Variants in ABCC2 observed in about 807,000 individuals in gnomAD.
ABCC2 encodes ATP-binding cassette sub-family C member 2.
Under a neutral mutation model 173.4 loss-of-function variants are expected in ABCC2, and 157 were observed. That is an observed-to-expected ratio of 0.91 (90% CI 0.80 to 1.03). The LOEUF is 1.03. Ranked by LOEUF, ABCC2 falls within the 50% of genes least tolerant of loss-of-function variation. The pLI is 0.00. For synonymous variants in ABCC2, 657 were observed against 693.5 expected, an observed-to-expected ratio of 0.95 and a Z score of 0.83; for missense variants, 1,822 against 1,852.3, an observed-to-expected ratio of 0.98 and a Z score of 0.30.
intron 3 of ABCC2, among the ~76,000 whole-genome samples, chr10:99,792,943 T>TGTCA (rs1314690348): frequency 6.6e-6 from 1 of 152,224 alleles, no homozygotes; most frequent in Non-Finnish European, 1.5e-5. Flanking sequence ...GGCAGAGCAA[T>TGTCA]GTCAGCTGGG....
chr10:99,813,208 C>A, intron 16 of ABCC2, 64 bp downstream of exon 16: 1 of 1,586,128 alleles, frequency 6.3e-7, no homozygotes, highest in Non-Finnish European at 8.6e-7. Flanking sequence ...GTGCTTTTGC[C>A]TCACTGGGGA....
Position 99,834,528 on chromosome 10 carries a change from C to G in ABCC2, c.3407C>G (p.Ser1136Cys), listed in dbSNP as rs747218133. Reference sequence around the variant, plus strand: ...ATTCCTCTTGGCATTATTTATGTATCTGTTCAGGTAGGTTTGGAAATGGCT... The same window carrying G: ...ATTCCTCTTGGCATTATTTATGTATGTGTTCAGGTAGGTTTGGAAATGGCT... Reference protein sequence around the residue: ...IVIPLGIIYVSVQMFYVSTSR... With the variant: ...IVIPLGIIYVCVQMFYVSTSR... The change falls in exon 24 of 32, where the codon TCT becomes TGT. Residue 1136 changes from serine to cysteine, a missense_variant. Coordinates refer to ENST00000647814, the MANE Select transcript of ABCC2 (RefSeq NM_000392.5). The G allele has an allele frequency of 6.2e-7, 1 of 1,614,030 alleles. No homozygotes were observed.
At chr10:99,783,755 C>T (rs2037657817) in intron 1 of ABCC2, among the ~76,000 whole-genome samples, 1 of 152,094 alleles carries the variant, frequency 6.6e-6, no homozygotes, top group South Asian at 2.1e-4. Flanking sequence ...TCCCAAGACC[C>T]TCGAGGCCAG....
chr10:99,834,174 C>T (rs1017702551), intron 23 of ABCC2, among the ~76,000 whole-genome samples: 2 of 152,134 alleles, frequency 1.3e-5, no homozygotes, highest in African/African-American at 4.8e-5. Context: ...GACCACCACG[C>T]CAGGCCTAAA....
chr10:99,797,711 C>A, intron 7 of ABCC2: 1 of 257,748 alleles, frequency 3.9e-6, no homozygotes, highest in South Asian at 5.0e-5. Context: ...TAAAAGATTG[C>A]TCATCTTTTG....
At chr10:99,828,888 C>A (rs757643048) in intron 19 of ABCC2, among the ~76,000 whole-genome samples, 1 of 151,708 alleles carries the variant, frequency 6.6e-6, no homozygotes, top group Non-Finnish European at 1.5e-5. Flanking sequence ...AAGATTAGAG[C>A]CCTCTTCCAT....
rs1005455893 is a variant in ABCC2, at chr10:99,793,876, G to T, written c.469-16G>T. ...GACAAAAGGCTCATTTTTCCTCTTT[G>T]TTTTTTTCCTCATAGGGTGACAATT... is the stretch of plus-strand genomic sequence containing the variant. On this transcript the variant is annotated splice_polypyrimidine_tract_variant and intron_variant, in intron 4 of 31. Coordinates refer to ENST00000647814, the MANE Select transcript of ABCC2 (RefSeq NM_000392.5). The T allele has an allele frequency of 4.4e-6, 7 of 1,606,690 alleles. No homozygotes were observed. The highest frequency in any genetic ancestry group is 5.1e-6 in the Non-Finnish European group (6 of 1,173,568).
In ABCC2 at chr10:99,819,215, G is replaced by A; in HGVS notation, c.2566G>A (p.Ala856Thr). The change falls in exon 19 of 32, where the codon GCT becomes ACT. Residue 856 changes from alanine to threonine, a missense_variant. By Grantham distance (58) the Ala-to-Thr change is moderately conservative (BLOSUM62 0). Transcript: ENST00000647814. Reference protein sequence around the residue: ...SALLAKKGEFAKNLKTFLRHT... With the variant: ...SALLAKKGEFTKNLKTFLRHT... ...TCTCCTGGCCAAAAAAGGAGAGTTT[G>A]CTAAGAATCTGAAGACATTTCTAAG... The A allele has an allele frequency of 6.2e-7, 1 of 1,614,128 alleles. No individual in the cohort carries two copies. Among genetic ancestry groups the A allele is most frequent in the Non-Finnish European group, 8.5e-7 (1 of 1,180,018 alleles).
At chr10:99,830,939 C>T in intron 21 of ABCC2, 88 bp downstream of exon 21, 1 of 1,440,536 alleles carries the variant, frequency 6.9e-7, no homozygotes, top group Non-Finnish European at 9.7e-7. Context: ...TGAACGCATA[C>T]TTACAGGAGC....
At chr10:99,838,109 C>T (rs1318405506) in intron 25 of ABCC2, among the ~76,000 whole-genome samples, 4 of 86,596 alleles carry the variant, frequency 4.6e-5, no homozygotes, top group Non-Finnish European at 7.6e-5. Flanking sequence ...GGGGCTGACC[C>T]CCCCCACCTC....
intron 2 of ABCC2, among the ~76,000 whole-genome samples, chr10:99,785,351 AG>A (rs2037688154): frequency 6.6e-6 from 1 of 152,144 alleles, no homozygotes; most frequent in African/African-American, 2.4e-5. Context: ...TCTGCGGGAG[AG>A]GCCCAGGAGG....
intron 30 of ABCC2, among the ~76,000 whole-genome samples, chr10:99,850,029 A>G (rs901493965): frequency 6.6e-6 from 1 of 152,260 alleles, no homozygotes; most frequent in Admixed American, 6.5e-5. Flanking sequence ...AGACAGCTTC[A>G]TCTCTAATCA....
At chr10:99,796,610 G>A (rs2037916211) in intron 6 of ABCC2, among the ~76,000 whole-genome samples, 1 of 152,054 alleles carries the variant, frequency 6.6e-6, no homozygotes, top group Non-Finnish European at 1.5e-5. Flanking sequence ...CTTTGAAGCC[G>A]GGAGATGGAG....
At position 99,800,536 on chromosome 10, in the gene ABCC2, A is replaced by C; in HGVS notation, c.1182A>C (p.Thr394=). ...LCFKLGVKVR[T]AIMASVYKKA... ...TCAAGCTGGGTGTAAAAGTACGGAC[A>C]GCTATCATGGCTTCTGTATATAAGA... The change falls in exon 9 of 32, where the codon ACA becomes ACC. Residue 394 remains threonine, a synonymous_variant. Transcript: ENST00000647814. 1 of 1,614,200 alleles carries C rather than the reference A, an allele frequency of 6.2e-7. No homozygotes were observed. The highest frequency in any genetic ancestry group is 1.1e-5 in the South Asian group (1 of 91,084).
At chr10:99,832,401 A>ATGTG (rs1554853225) in intron 23 of ABCC2, among the ~76,000 whole-genome samples, 1 of 31,776 alleles carries the variant, frequency 3.1e-5, no homozygotes, top group Non-Finnish European at 7.5e-5. Flanking sequence ...AAAACCAGTA[A>ATGTG]CAGCAGTGTG....
Position 99,819,056 on chromosome 10 carries a change from G to T in ABCC2, c.2440-33G>T, listed in dbSNP as rs199918701. 3,055 of 1,612,850 alleles carry T rather than the reference G, an allele frequency of 1.9e-3. 17 individuals are homozygous for T. Among genetic ancestry groups the T allele is most frequent in the South Asian group, 5.9e-3 (539 of 91,030 alleles). ...AAGACAGGGAAGATGGTGGACATAT[G>T]GTAATCAACACAACTTCATATTATT... is the stretch of plus-strand genomic sequence containing the variant. On this transcript the variant is annotated intron_variant, in intron 18 of 31. Coordinates refer to ENST00000647814, the MANE Select transcript of ABCC2 (RefSeq NM_000392.5).
intron 14 of ABCC2, 74 bp from the exon 15 acceptor site, chr10:99,811,462 C>A: frequency 6.9e-7 from 1 of 1,441,200 alleles, no homozygotes; most frequent in Non-Finnish European, 9.8e-7. Context: ...ATGGAGAAAG[C>A]GGAGAGAGAC....
chr10:99,835,350 G>A (rs965360477), intron 24 of ABCC2, among the ~76,000 whole-genome samples: 1 of 152,066 alleles, frequency 6.6e-6, no homozygotes, highest in African/African-American at 2.4e-5. Flanking sequence ...ACAAGAAGCA[G>A]GGTTATTGGA....
intron 2 of ABCC2, among the ~76,000 whole-genome samples, chr10:99,789,987 G>A (rs900039115): frequency 2.0e-5 from 3 of 152,136 alleles, no homozygotes; most frequent in African/African-American, 7.2e-5. Context: ...TTATTTGAAT[G>A]TACCATAATT....
Sources: allele counts gnomAD v4.1 joint callset (sites outside exome capture counted in the v4.1 genomes callset), GRCh38; gene constraint gnomAD v4.1.1; transcripts MANE v1.5; gene names NCBI Gene and HGNC (gene_info 2026-07-23, HGNC 2026-07-21).